Variants in ESYT3 observed in about 807,000 individuals in gnomAD.
The protein encoded by ESYT3 is extended synaptotagmin-3.
In ESYT3, 101 loss-of-function variants were observed where a neutral mutation model predicts 111.5. That is an observed-to-expected ratio of 0.91 (90% CI 0.77 to 1.07). The LOEUF (loss-of-function observed/expected upper bound fraction) is 1.07. ESYT3 is among the 50% of genes least tolerant of loss of function. ESYT3 has a pLI of 0.00. For missense variants in ESYT3, 1,097 were observed against 1,109.4 expected (o/e 0.99, Z 0.16); for synonymous variants, 416 against 446.8 (o/e 0.93, Z 0.87).
At chr3:138,447,253 T>C (rs1220323325) in intron 1 of ESYT3, among the ~76,000 whole-genome samples, 1 of 152,166 alleles carries the variant, frequency 6.6e-6, no homozygotes, top group Non-Finnish European at 1.5e-5. Context: ...GGAATAGTCA[T>C]GGAAATTAAT....
rs931579901 is a variant in ESYT3, at chr3:138,440,834, A to G, written c.327+5709A>G. Among the ~76,000 whole-genome samples the G allele has an allele frequency of 2.6e-5, 4 of 152,192 alleles. No homozygotes were observed. The highest frequency in any genetic ancestry group is 2.4e-5 in the African/African-American group (1 of 41,450). ...CTTAGGCATACATGTGTTCATTCCTATACTCACTCAGCAAGCATTTATCGA... is the reference window on the plus strand; with the variant it reads ...CTTAGGCATACATGTGTTCATTCCTGTACTCACTCAGCAAGCATTTATCGA... On this transcript the variant is annotated intron_variant, in intron 1 of 22. Transcript: ENST00000389567. This position sits in a 1 kb window ranked among gnomAD's most constrained non-coding sequence, Gnocchi z 4.2.
chr3:138,475,320 G>C (rs1311728038), intron 20 of ESYT3, among the ~76,000 whole-genome samples: 1 of 152,144 alleles, frequency 6.6e-6, no homozygotes, highest in Non-Finnish European at 1.5e-5. Context: ...GAATATATGA[G>C]GGAAGAGGTT....
chr3:138,480,627 A>G (rs899769435), downstream of ESYT3: 1 of 152,230 alleles, frequency 6.6e-6, no homozygotes, highest in Non-Finnish European at 1.5e-5. Flanking sequence ...CAACCCCTAT[A>G]AGAAAACTAA....
In ESYT3 at chr3:138,479,454, T is replaced by A. The variant is rs902201861; in HGVS notation, c.*2600T>A. The A allele has an allele frequency of 2.0e-5, 3 of 152,244 alleles. No individual in the cohort carries two copies. Among genetic ancestry groups the A allele is most frequent in the African/African-American group, 7.2e-5 (3 of 41,462 alleles). The allele number at this position is 152,244 out of a possible 1,614,324, so 9.4% of individuals were successfully genotyped here. On this transcript the variant is annotated 3_prime_UTR_variant, in exon 23 of 23. Transcript: ENST00000389567. ...AAATATAACTGTGTCAGTCACTAATTCATTACCTCTCAGCTTCAAATTGAC... is the reference window on the plus strand; with the variant it reads ...AAATATAACTGTGTCAGTCACTAATACATTACCTCTCAGCTTCAAATTGAC...
rs373757597 is a variant in ESYT3 at position 138,479,056 on chromosome 3, G to A, written c.*2202G>A. 1.1e-4 allele frequency: 17 copies of A among 152,028 alleles called. No individual in the cohort carries two copies. In the East Asian group the frequency reaches 2.5e-3, roughly 22 times the overall value. The allele number at this position is 152,028 out of a possible 1,614,324, so 9.4% of individuals were successfully genotyped here. A position where few individuals can be genotyped will look rare whatever the true frequency, so the allele number is the denominator to read the frequency against. ...TGGCTGTCACTAAAGGGAAACTCAC[G>A]GGCAAAAATAAATTATGAAACAAAA... On this transcript the variant is annotated 3_prime_UTR_variant, in exon 23 of 23. Transcript: ENST00000389567.
chr3:138,441,366 T>C (rs1429682182), intron 1 of ESYT3, among the ~76,000 whole-genome samples: 1 of 152,144 alleles, frequency 6.6e-6, no homozygotes, highest in Admixed American at 6.5e-5. Context: ...ATCAGGGCCA[T>C]GAGTAGGGAC....
intron 4 of ESYT3, among the ~76,000 whole-genome samples, chr3:138,458,733 C>T (rs1043959076): frequency 3.3e-5 from 5 of 152,250 alleles, no homozygotes; most frequent in Non-Finnish European, 5.9e-5. Flanking sequence ...CCACCAGCCC[C>T]AGCAGCACCT....
chr3:138,436,366 A>G (rs528521410), intron 1 of ESYT3, among the ~76,000 whole-genome samples: 1 of 152,334 alleles, frequency 6.6e-6, no homozygotes, highest in Admixed American at 6.5e-5. Flanking sequence ...TTAGAAGGAC[A>G]TCAGTCATAT....
chr3:138,463,483 A>G (rs1299305852), intron 8 of ESYT3, among the ~76,000 whole-genome samples: 1 of 152,254 alleles, frequency 6.6e-6, no homozygotes, highest in Non-Finnish European at 1.5e-5. Context: ...TAAGAGCTCC[A>G]AAGTACTTCA....
chr3:138,437,072 T>A (rs969173162), intron 1 of ESYT3, among the ~76,000 whole-genome samples: 100 of 151,912 alleles, frequency 6.6e-4, no homozygotes, highest in African/African-American at 2.3e-3. Context: ...AGAAGGCACC[T>A]CCTAGGTTTT....
chr3:138,451,933 G>C (rs2031958135), intron 1 of ESYT3, 115 bp from the exon 2 acceptor site: 2 of 1,171,884 alleles, frequency 1.7e-6, no homozygotes, highest in Admixed American at 3.5e-5. Context: ...GCGGCGGGGA[G>C]GAAGGGTTGA....
chr3:138,435,298 C>A lies in ESYT3; in HGVS notation c.327+173C>A, dbSNP rs898582655. 6.6e-6 allele frequency among the ~76,000 whole-genome samples: 1 copy of A among 152,164 alleles called. No homozygotes were observed. Among genetic ancestry groups the A allele is most frequent in the African/African-American group, 2.4e-5 (1 of 41,446 alleles). On this transcript the variant is annotated intron_variant, in intron 1 of 22. Transcript: ENST00000389567. This position sits in a 1 kb window ranked among gnomAD's most constrained non-coding sequence, Gnocchi z 4.8. Reference sequence around the variant, plus strand: ...GCGCAGACCCTGGGGACGGTGACCGCCCCTCCCGCGGCGCGCAGCACCCTC... The same window carrying A: ...GCGCAGACCCTGGGGACGGTGACCGACCCTCCCGCGGCGCGCAGCACCCTC...
intron 1 of ESYT3, among the ~76,000 whole-genome samples, chr3:138,447,387 C>T (rs896223176): frequency 6.6e-6 from 1 of 152,220 alleles, no homozygotes; most frequent in Admixed American, 6.5e-5. Flanking sequence ...CTATTGAAAT[C>T]TCACATGTCT....
intron 1 of ESYT3, among the ~76,000 whole-genome samples, chr3:138,443,830 C>G (rs1047732090): frequency 3.3e-5 from 5 of 151,634 alleles, no homozygotes; most frequent in Non-Finnish European, 7.4e-5. Flanking sequence ...ACAGGGAGGC[C>G]CTTTAAGTGA....
At chr3:138,473,196 C>T in intron 18 of ESYT3, 1 of 1,137,314 alleles carries the variant, frequency 8.8e-7, no homozygotes, top group Non-Finnish European at 1.1e-6. Context: ...GAAGGGTTTA[C>T]TATGGGCTTA....
chr3:138,434,823 C>A lies in ESYT3; in HGVS notation c.25C>A (p.Pro9Thr). 6.4e-7 allele frequency: 1 copy of A among 1,559,796 alleles called. No individual in the cohort carries two copies. The highest frequency in any genetic ancestry group is 2.4e-5 in the East Asian group (1 of 41,706). Residue 9 changes from proline (P) to threonine (T), a missense_variant, in exon 1 of 23, where the codon CCC becomes ACC. Pro to Thr is a conservative substitution (Grantham distance 38, BLOSUM62 -1). Coordinates refer to ENST00000389567, the MANE Select transcript of ESYT3 (RefSeq NM_031913.5). MRAEEPCA[P>T]GAPSALGAQR... Reference sequence around the variant, plus strand: ...GATGCGAGCAGAGGAGCCCTGCGCCCCCGGGGCCCCCAGCGCCCTGGGAGC... The same window carrying A: ...GATGCGAGCAGAGGAGCCCTGCGCCACCGGGGCCCCCAGCGCCCTGGGAGC...
At position 138,435,143 on chromosome 3, in the gene ESYT3, G is replaced by C. The variant is rs775499290; in HGVS notation, c.327+18G>C. 1.1e-5 allele frequency: 17 copies of C among 1,551,504 alleles called. No individual in the cohort carries two copies. The South Asian group carries it at 2.1e-4, about 19-fold the overall frequency. On this transcript the variant is annotated intron_variant, in intron 1 of 22. Transcript: ENST00000389567. This position sits in a 1 kb window ranked among gnomAD's most constrained non-coding sequence, Gnocchi z 4.8. ...CAGCCTGGGTGAGCCAAGCCGGGTG[G>C]GAGTGGGAGGTGGGGAGATGCCTTT...
Position 138,460,674 on chromosome 3 carries a change from C to G in ESYT3, c.794+8C>G. The stretch of plus-strand genomic sequence containing the variant: ...GGATGCGCCGGGAATCAAGTAGGTG[C>G]CTGGGAGAGCCTCGAGGGAGATCAT... On this transcript the variant is annotated splice_region_variant and intron_variant, in intron 7 of 22. Coordinates refer to ENST00000389567, the MANE Select transcript of ESYT3 (RefSeq NM_031913.5). 6.2e-7 allele frequency: 1 copy of G among 1,613,912 alleles called. No homozygotes were observed. Among genetic ancestry groups the G allele is most frequent in the Non-Finnish European group, 8.5e-7 (1 of 1,179,832 alleles).
At chr3:138,457,776 C>T in intron 4 of ESYT3, 132 bp downstream of exon 4, 1 of 806,312 alleles carries the variant, frequency 1.2e-6, no homozygotes, top group Non-Finnish European at 2.0e-6. Context: ...CTCCCCTCCT[C>T]CCAGCTTCTC....
Sources: allele counts gnomAD v4.1 joint callset (sites outside exome capture counted in the v4.1 genomes callset), GRCh38; gene constraint gnomAD v4.1.1; non-coding constraint Gnocchi (gnomAD v3.1); transcripts MANE v1.5; gene names NCBI Gene and HGNC (gene_info 2026-07-23, HGNC 2026-07-21).